The following UNC13C variants were observed in gnomAD, a reference collection of about 807,000 sequenced individuals.
UNC13C encodes protein unc-13 homolog C.
Under a neutral mutation model 245.4 loss-of-function variants are expected in UNC13C, and 174 were observed. The ratio of observed to expected loss-of-function variants is 0.71; its 90% CI spans 0.63 to 0.80. UNC13C has a LOEUF of 0.80. Ranked by LOEUF, UNC13C falls within the 30% of genes least tolerant of loss-of-function variation. The probability of loss-of-function intolerance (pLI) is 0.00; values close to 1 mark genes in which losing one functional copy is unlikely to be tolerated. For synonymous variants in UNC13C, 992 were observed against 895.1 expected (o/e 1.11, Z -1.93); for missense variants, 2,829 against 2,602.9 (o/e 1.09, Z -1.89).
At chr15:54,467,039 A>G (rs1034858480) in intron 19 of UNC13C, among the ~76,000 whole-genome samples, 3 of 151,140 alleles carry the variant, frequency 2.0e-5, no homozygotes, top group Admixed American at 6.6e-5. Flanking sequence ...AAACTGTGAC[A>G]GTTGTTAAAA....
intron 19 of UNC13C, among the ~76,000 whole-genome samples, chr15:54,459,059 T>G (rs899095996): frequency 6.6e-6 from 1 of 152,178 alleles, no homozygotes; most frequent in Admixed American, 6.5e-5. Flanking sequence ...GACTTAAAAT[T>G]CTTTTTAACA....
chr15:54,556,718 C>T (rs754428938), intron 29 of UNC13C, among the ~76,000 whole-genome samples: 1 of 145,656 alleles, frequency 6.9e-6, no homozygotes, highest in Non-Finnish European at 1.5e-5. Flanking sequence ...TATAGTAGCA[C>T]TAATAGCTTT....
chr15:54,295,853 T>A (rs1222667342), intron 11 of UNC13C, among the ~76,000 whole-genome samples: 1 of 152,170 alleles, frequency 6.6e-6, no homozygotes, highest in Non-Finnish European at 1.5e-5. Flanking sequence ...CCCTCAGTAG[T>A]TTTTTGCCCT....
intron 2 of UNC13C, among the ~76,000 whole-genome samples, chr15:54,028,618 G>T (rs1404748249): frequency 6.6e-6 from 1 of 151,188 alleles, no homozygotes; most frequent in Non-Finnish European, 1.5e-5. Context: ...GTGCCCGCCA[G>T]TGGTCAACCA....
the UNC13C span, chr15:53,914,233 G>A: frequency 6.7e-6 from 1 of 149,886 alleles, no homozygotes; most frequent in Non-Finnish European, 1.5e-5. Flanking sequence ...ATGTGCTTTG[G>A]TCAAGGAATA....
the UNC13C span, among the ~76,000 whole-genome samples, chr15:53,838,836 C>T: frequency 2.0e-5 from 3 of 151,830 alleles, no homozygotes; most frequent in South Asian, 6.2e-4. Context: ...GTCCTAAAGT[C>T]TTAGAATTTT....
chr15:54,297,098 A>G (rs1273420485), intron 11 of UNC13C, among the ~76,000 whole-genome samples: 1 of 152,218 alleles, frequency 6.6e-6, no homozygotes, highest in Admixed American at 6.5e-5. Flanking sequence ...CTTTTCAAGT[A>G]CAAAGAGAAG....
At chr15:54,526,257 A>G (rs938767586) in intron 25 of UNC13C, among the ~76,000 whole-genome samples, 2 of 152,212 alleles carry the variant, frequency 1.3e-5, no homozygotes, top group African/African-American at 4.8e-5. Context: ...AGTTCACCCT[A>G]GTTAAATTTC....
intron 7 of UNC13C, among the ~76,000 whole-genome samples, chr15:54,247,131 T>G (rs1463498492): frequency 6.6e-6 from 1 of 152,166 alleles, no homozygotes; most frequent in Non-Finnish European, 1.5e-5. Context: ...ATTATTAATC[T>G]GCCTGCCCTT....
intron 2 of UNC13C, among the ~76,000 whole-genome samples, chr15:54,132,175 G>T (rs1415989599): frequency 1.3e-5 from 2 of 148,972 alleles, no homozygotes; most frequent in South Asian, 2.1e-4. Flanking sequence ...TACTTATGCC[G>T]TTCTCCTCCC....
In UNC13C at chr15:54,338,489, G is replaced by A. The variant is rs1445102357; in HGVS notation, c.4713G>A (p.Pro1571=). ...CHELYSQLTD[P]SKKQDIPRED... is the part of the protein sequence containing the mutation. ...AACTCTACTCCCAGCTAACAGACCC[G>A]GTAAGAAAATATGTATGTCTTTTAT... Residue 1571 remains proline, a splice_region_variant and synonymous_variant, in exon 17 of 33, where the codon CCG becomes CCA. Coordinates refer to ENST00000260323, the MANE Select transcript of UNC13C (RefSeq NM_001080534.3). 24 of 1,611,852 alleles carry A rather than the reference G, an allele frequency of 1.5e-5. No individual in the cohort carries two copies. Among genetic ancestry groups the A allele is most frequent in the Middle Eastern group, 3.3e-4 (2 of 6,078 alleles).
intron 25 of UNC13C, among the ~76,000 whole-genome samples, chr15:54,530,180 T>C (rs1212264086): frequency 6.6e-6 from 1 of 152,198 alleles, no homozygotes; most frequent in Non-Finnish European, 1.5e-5. Flanking sequence ...CATGTAAAAA[T>C]TATGTATATT....
chr15:54,299,145 G>A (rs2037510649), intron 12 of UNC13C, among the ~76,000 whole-genome samples: 1 of 152,070 alleles, frequency 6.6e-6, no homozygotes. Context: ...TAAAGTGTGG[G>A]CAGAGAAGAT....
intron 26 of UNC13C, among the ~76,000 whole-genome samples, chr15:54,533,840 C>G (rs1286338886): frequency 1.3e-5 from 2 of 152,122 alleles, no homozygotes; most frequent in African/African-American, 4.8e-5. Flanking sequence ...AATCATTGAT[C>G]TAAAGCAACC....
rs553904234 is a variant in UNC13C, at chr15:54,061,128, A to T, written c.2983+45242A>T. On this transcript the variant is annotated intron_variant, in intron 2 of 32. Coordinates refer to ENST00000260323, the MANE Select transcript of UNC13C (RefSeq NM_001080534.3). ...AACTTAAAGTATAATAATAATAAAA[A>T]AAAAAGGAATCTAAATTTAAAAAAT... is the stretch of plus-strand genomic sequence containing the variant. Among the ~76,000 whole-genome samples, 186 of 152,234 alleles carry T rather than the reference A, an allele frequency of 1.2e-3. 4 individuals are homozygous for T. The South Asian group carries it at 0.027, about 22-fold the overall frequency.
the UNC13C span, among the ~76,000 whole-genome samples, chr15:53,855,865 G>T: frequency 6.6e-6 from 1 of 152,120 alleles, no homozygotes; most frequent in African/African-American, 2.4e-5. Flanking sequence ...GAGTAGACAC[G>T]GTACCAACTC....
At chr15:54,159,090 C>A (rs1030041861) in intron 4 of UNC13C, among the ~76,000 whole-genome samples, 1 of 152,186 alleles carries the variant, frequency 6.6e-6, no homozygotes, top group Admixed American at 6.5e-5. Flanking sequence ...AGATACAGAT[C>A]TTGGCACTGC....
intron 19 of UNC13C, among the ~76,000 whole-genome samples, chr15:54,436,194 G>A (rs1304581549): frequency 6.6e-6 from 1 of 151,874 alleles, no homozygotes; most frequent in Non-Finnish European, 1.5e-5. Context: ...CAAGGATCTA[G>A]AACTAGAAAC....
intron 30 of UNC13C, among the ~76,000 whole-genome samples, chr15:54,574,876 A>G (rs1897892797): frequency 6.6e-6 from 1 of 152,118 alleles, no homozygotes; most frequent in South Asian, 2.1e-4. Flanking sequence ...AATGTATTTT[A>G]ATTTGAGATG....
Sources: gnomAD v4.1 joint callset for allele counts (sites outside exome capture counted in the v4.1 genomes callset) on GRCh38, gnomAD v4.1.1 for gene constraint, MANE v1.5 for transcripts, NCBI Gene and HGNC (gene_info 2026-07-23, HGNC 2026-07-21) for gene names.